The following GLT1D1 variants were observed in gnomAD, a reference collection of about 807,000 sequenced individuals.
The protein encoded by GLT1D1 is glycosyltransferase 1 domain containing 1.
GLT1D1 carries 21 observed loss-of-function variants against 28.7 expected under a neutral mutation model. That is an observed-to-expected ratio of 0.73 (90% CI 0.52 to 1.05). The LOEUF (loss-of-function observed/expected upper bound fraction) is 1.05, where lower values mean the gene tolerates loss of function less well. Ranked by LOEUF, GLT1D1 falls within the 50% of genes least tolerant of loss-of-function variation. GLT1D1 has a pLI of 0.00. For synonymous variants in GLT1D1, 147 were observed against 124.8 expected (o/e 1.18, Z -1.19); for missense variants, 343 against 330.6 (o/e 1.04, Z -0.29).
At position 128,872,556 on chromosome 12, in the gene GLT1D1, G is replaced by A. The variant is rs148625559; in HGVS notation, c.69-3358G>A. ...TTGGAGTGGAGTGCACTTCTGCCATGCAGGGTGAGCTGTGTTCTGGGCTGA... is the reference window on the plus strand; with the variant it reads ...TTGGAGTGGAGTGCACTTCTGCCATACAGGGTGAGCTGTGTTCTGGGCTGA... On this transcript the variant is annotated intron_variant, in intron 1 of 7. Transcript: ENST00000281703. 8.0e-3 allele frequency among the ~76,000 whole-genome samples: 1,217 copies of A among 152,266 alleles called. 10 individuals carry two copies. The highest frequency in any genetic ancestry group is 0.03 in the South Asian group (144 of 4,820).
intron 2 of GLT1D1, among the ~76,000 whole-genome samples, chr12:128,879,453 TC>T (rs1956978374): frequency 7.7e-6 from 1 of 130,634 alleles, no homozygotes; most frequent in South Asian, 2.8e-4. Flanking sequence ...TTTCTTTCTT[TC>T]TTTCTTTTTT....
intron 7 of GLT1D1, among the ~76,000 whole-genome samples, chr12:128,976,443 G>T (rs147628542): frequency 6.6e-5 from 10 of 152,266 alleles, no homozygotes; most frequent in Admixed American, 6.5e-4. Flanking sequence ...TTAACTCAAA[G>T]CCTCCAACCA....
intron 4 of GLT1D1, among the ~76,000 whole-genome samples, chr12:128,914,379 C>A (rs1871870995): frequency 6.6e-6 from 1 of 152,102 alleles, no homozygotes; most frequent in Non-Finnish European, 1.5e-5. Context: ...GTCATGGATC[C>A]TGGGGCTGAA....
chr12:128,899,341 T>G (rs1047592843), intron 4 of GLT1D1, 54 bp downstream of exon 4: 3 of 1,481,564 alleles, frequency 2.0e-6, no homozygotes, highest in Non-Finnish European at 2.8e-6. Context: ...ATTGCAGAAT[T>G]CGAGAACCGA....
At chr12:128,855,181 C>T (rs150001462) in intron 1 of GLT1D1, among the ~76,000 whole-genome samples, 2,139 of 143,298 alleles carry the variant, frequency 0.015, 45 homozygotes, top group African/African-American at 0.052. Flanking sequence ...TCTGGGATCA[C>T]GCCACTGCAC....
Position 128,956,171 on chromosome 12 carries a change from A to AAAAAGAG in GLT1D1, c.541-1373_541-1372insAAAGAGA, listed in dbSNP as rs374597920. On this transcript the variant is annotated intron_variant, in intron 6 of 7. Transcript: ENST00000281703. ...GAGACTCCATCTCAAAAAAAAAAAA[A>AAAAAGAG]AGAGAAAGAGAGAAAGAAAGAAAGA... Among the ~76,000 whole-genome samples the AAAAAGAG allele has an allele frequency of 2.0e-4, 13 of 63,942 alleles. 4 individuals are homozygous for AAAAAGAG. Among genetic ancestry groups the AAAAAGAG allele is most frequent in the Non-Finnish European group, 4.6e-4 (13 of 28,334 alleles). The allele number at this position is 63,942 out of a possible 152,430, so 41.9% of individuals were successfully genotyped here.
At chr12:128,877,693 T>G (rs34575334) in intron 2 of GLT1D1, among the ~76,000 whole-genome samples, 7,275 of 152,320 alleles carry the variant, frequency 0.048, 257 homozygotes, top group Middle Eastern at 0.099. Flanking sequence ...CTTGTGGATA[T>G]TCTCCTAGAA....
At chr12:128,936,495 C>T (rs948774678) in intron 4 of GLT1D1, among the ~76,000 whole-genome samples, 3 of 152,186 alleles carry the variant, frequency 2.0e-5, no homozygotes, top group Non-Finnish European at 4.4e-5. Context: ...TCTGCTTTGA[C>T]ATGCTGAGAT....
chr12:128,883,838 G>T (rs1040361095), intron 2 of GLT1D1, among the ~76,000 whole-genome samples: 2 of 152,078 alleles, frequency 1.3e-5, no homozygotes, highest in Admixed American at 6.6e-5. Flanking sequence ...AGAGCAAGGG[G>T]TGCAGACATA....
intron 3 of GLT1D1, among the ~76,000 whole-genome samples, chr12:128,890,330 A>G (rs1868896972): frequency 6.6e-6 from 1 of 152,178 alleles, no homozygotes; most frequent in Non-Finnish European, 1.5e-5. Context: ...AAGGCCCATT[A>G]TAATCTTTGA....
intron 6 of GLT1D1, among the ~76,000 whole-genome samples, chr12:128,953,934 C>T (rs1469218641): frequency 2.0e-5 from 3 of 151,604 alleles, no homozygotes; most frequent in East Asian, 3.9e-4. Context: ...TTAGTAGAGA[C>T]GGGCTTTCAC....
intron 1 of GLT1D1, among the ~76,000 whole-genome samples, chr12:128,863,945 C>CAA (rs35052910): frequency 0.015 from 823 of 55,446 alleles, 30 homozygotes; most frequent in African/African-American, 0.041. Context: ...GACTCCATCT[C>CAA]AAAAAAAAAA....
At chr12:128,855,411 T>A (rs1023099671) in intron 1 of GLT1D1, among the ~76,000 whole-genome samples, 5 of 150,494 alleles carry the variant, frequency 3.3e-5, no homozygotes, top group Non-Finnish European at 7.4e-5. Context: ...AAAAAAAATT[T>A]AAAAATTAGC....
intron 7 of GLT1D1, among the ~76,000 whole-genome samples, chr12:128,962,329 CTT>C (rs1565916269): frequency 6.6e-6 from 1 of 152,258 alleles, no homozygotes; most frequent in East Asian, 1.9e-4. Flanking sequence ...TGTCCAGAGT[CTT>C]TGAATGAATA....
intron 4 of GLT1D1, among the ~76,000 whole-genome samples, chr12:128,942,994 G>A (rs549759170): frequency 6.6e-6 from 1 of 152,164 alleles, no homozygotes; most frequent in Non-Finnish European, 1.5e-5. Flanking sequence ...TGATCCACCC[G>A]CCTCGGCCTC....
chr12:128,908,658 A>C, intron 4 of GLT1D1, among the ~76,000 whole-genome samples: 1 of 80,388 alleles, frequency 1.2e-5, no homozygotes, highest in South Asian at 4.0e-4. Flanking sequence ...GAAGGAAAAT[A>C]AACACGACAG....
chr12:128,969,196 C>T (rs534928705), intron 7 of GLT1D1, among the ~76,000 whole-genome samples: 1 of 145,584 alleles, frequency 6.9e-6, no homozygotes, highest in East Asian at 1.9e-4. Context: ...CTGTAGCCTT[C>T]CTTCCTCTCA....
intron 4 of GLT1D1, among the ~76,000 whole-genome samples, chr12:128,931,371 G>A (rs1397049004): frequency 4.7e-5 from 7 of 150,110 alleles, no homozygotes; most frequent in Non-Finnish European, 8.9e-5. Context: ...GCAGTGGTGC[G>A]ATCTCGGCTC....
At chr12:128,914,955 C>T (rs766186199) in intron 4 of GLT1D1, 40 of 1,535,916 alleles carry the variant, frequency 2.6e-5, no homozygotes, top group South Asian at 2.1e-4. Context: ...CACCAAACGC[C>T]GCTTTTAACT....
Sources: gnomAD v4.1 joint callset for allele counts (sites outside exome capture counted in the v4.1 genomes callset) on GRCh38, gnomAD v4.1.1 for gene constraint, MANE v1.5 for transcripts, NCBI Gene and HGNC (gene_info 2026-07-23, HGNC 2026-07-21) for gene names.